NALF1: variants seen among roughly 807,000 people sequenced by gnomAD.
NALF1 encodes the protein NALCN channel auxiliary factor 1.
In NALF1, 3 loss-of-function variants were observed where a neutral mutation model predicts 48.4. The observed-to-expected ratio is 0.06, with a 90% CI of 0.03 to 0.16. The LOEUF is 0.16. NALF1 is among the 10% of genes least tolerant of loss of function. The pLI is 1.00. For synonymous variants in NALF1, 262 were observed against 245.7 expected (o/e 1.07, Z -0.62); for missense variants, 526 against 571.5 (o/e 0.92, Z 0.81).
intron 1 of NALF1, among the ~76,000 whole-genome samples, chr13:107,734,735 A>G (rs998666362): frequency 6.6e-6 from 1 of 152,172 alleles, no homozygotes; most frequent in Non-Finnish European, 1.5e-5. Flanking sequence ...AATATTGTGA[A>G]GATGAAATAA....
At chr13:107,556,063 A>G (rs915935870) in intron 1 of NALF1, among the ~76,000 whole-genome samples, 1 of 152,034 alleles carries the variant, frequency 6.6e-6, no homozygotes, top group African/African-American at 2.4e-5. Flanking sequence ...TCTTCAAAAC[A>G]GAGATATATT....
chr13:107,443,217 T>TATCG (rs2139028066), intron 1 of NALF1, among the ~76,000 whole-genome samples: 1 of 147,740 alleles, frequency 6.8e-6, no homozygotes, highest in East Asian at 2.0e-4. Flanking sequence ...TCTATCTATC[T>TATCG]ATCGATATGT....
chr13:107,364,450 T>C (rs1202448327), intron 1 of NALF1, among the ~76,000 whole-genome samples: 1 of 152,166 alleles, frequency 6.6e-6, no homozygotes, highest in Non-Finnish European at 1.5e-5. Flanking sequence ...AGTGACATCG[T>C]CAGCATTGCT....
At chr13:107,727,466 T>C (rs554939713) in intron 1 of NALF1, among the ~76,000 whole-genome samples, 98 of 152,182 alleles carry the variant, frequency 6.4e-4, no homozygotes, top group African/African-American at 2.0e-3. Flanking sequence ...TGACAACCCA[T>C]ACTCTGTGGA....
intron 1 of NALF1, among the ~76,000 whole-genome samples, chr13:107,622,485 CAG>C (rs767523968): frequency 2.1e-5 from 3 of 146,256 alleles, no homozygotes; most frequent in Non-Finnish European, 3.0e-5. Context: ...AAAAAAAAAA[CAG>C]AGAGAAAAGA....
At chr13:107,815,396 A>C (rs1879133705) in intron 1 of NALF1, among the ~76,000 whole-genome samples, 1 of 152,192 alleles carries the variant, frequency 6.6e-6, no homozygotes, top group African/African-American at 2.4e-5. Flanking sequence ...ATGGCCAATA[A>C]ATTCTTGAAG....
chr13:107,661,584 A>G (rs776909628), intron 1 of NALF1, among the ~76,000 whole-genome samples: 9 of 152,260 alleles, frequency 5.9e-5, no homozygotes, highest in Non-Finnish European at 1.2e-4. Flanking sequence ...CACTCGGCAT[A>G]ATACCTTAAC....
chr13:107,343,052 C>T (rs1369891333), intron 1 of NALF1, among the ~76,000 whole-genome samples: 1 of 152,144 alleles, frequency 6.6e-6, no homozygotes, highest in Admixed American at 6.5e-5. Flanking sequence ...ATAAAACACT[C>T]TACCCCATAA....
chr13:107,285,745 T>C (rs17367835), intron 1 of NALF1, among the ~76,000 whole-genome samples: 30,787 of 151,938 alleles, frequency 0.2, 4,179 homozygotes, highest in South Asian at 0.48. Context: ...TTCAAGTGAA[T>C]GAAATCTAGA....
At chr13:107,806,517 G>A (rs1415137156) in intron 1 of NALF1, among the ~76,000 whole-genome samples, 1 of 152,064 alleles carries the variant, frequency 6.6e-6, no homozygotes, top group East Asian at 1.9e-4. Flanking sequence ...GCTTTGAACA[G>A]CAAGGGACTG....
intron 1 of NALF1, among the ~76,000 whole-genome samples, chr13:107,474,006 C>A (rs558125940): frequency 6.6e-6 from 1 of 152,210 alleles, no homozygotes; most frequent in East Asian, 1.9e-4. Flanking sequence ...ACACTGGGAC[C>A]CTTGCAGCTC....
At chr13:107,852,569 A>G (rs1266598385) in intron 1 of NALF1, among the ~76,000 whole-genome samples, 1 of 152,212 alleles carries the variant, frequency 6.6e-6, no homozygotes, top group Non-Finnish European at 1.5e-5. Flanking sequence ...CCTTTGCACA[A>G]AGTCACTGTG....
chr13:107,247,444 C>A (rs1484012952), intron 1 of NALF1, among the ~76,000 whole-genome samples: 1 of 152,086 alleles, frequency 6.6e-6, no homozygotes, highest in Non-Finnish European at 1.5e-5. Context: ...ATGACCAAAG[C>A]GCATGAGAAA....
intron 1 of NALF1, among the ~76,000 whole-genome samples, chr13:107,244,372 ACTT>A (rs1880536777): frequency 6.6e-6 from 1 of 152,218 alleles, no homozygotes; most frequent in South Asian, 2.1e-4. Flanking sequence ...TCCCCTATTT[ACTT>A]CTTATGTAAA....
chr13:107,841,121 C>T (rs1232870647), intron 1 of NALF1, among the ~76,000 whole-genome samples: 2 of 152,154 alleles, frequency 1.3e-5, no homozygotes, highest in Non-Finnish European at 2.9e-5. Context: ...TGGCCACCTC[C>T]ATCCCATGTT....
At chr13:107,710,529 A>C (rs576435047) in intron 1 of NALF1, among the ~76,000 whole-genome samples, 1 of 152,244 alleles carries the variant, frequency 6.6e-6, no homozygotes, top group East Asian at 1.9e-4. Flanking sequence ...GAAAACTCAG[A>C]AAATCATGGC....
intron 1 of NALF1, among the ~76,000 whole-genome samples, chr13:107,272,839 A>G (rs1566471094): frequency 2.0e-5 from 3 of 152,254 alleles, no homozygotes; most frequent in African/African-American, 7.2e-5. Context: ...ATGTCAACAC[A>G]TTTGTTAAAA....
chr13:107,508,878 T>C (rs1350849913), intron 1 of NALF1, among the ~76,000 whole-genome samples: 3 of 152,166 alleles, frequency 2.0e-5, no homozygotes, highest in Non-Finnish European at 4.4e-5. Context: ...TGGAAAATAC[T>C]ACGCTTTCCC....
At chr13:107,343,751 C>T (rs1882723584) in intron 1 of NALF1, among the ~76,000 whole-genome samples, 1 of 152,008 alleles carries the variant, frequency 6.6e-6, no homozygotes, top group South Asian at 2.1e-4. Context: ...GTGATAAAAA[C>T]CTGCAATCAA....
Sources: allele counts gnomAD v4.1 joint callset (sites outside exome capture counted in the v4.1 genomes callset), GRCh38; gene constraint gnomAD v4.1.1; transcripts MANE v1.5; gene names NCBI Gene and HGNC (gene_info 2026-07-23, HGNC 2026-07-21).